PBX1: variants seen among roughly 807,000 people sequenced by gnomAD.
PBX1 encodes the protein PBX homeobox 1.
Under a neutral mutation model 53.4 loss-of-function variants are expected in PBX1, and 6 were observed. The ratio of observed to expected loss-of-function variants is 0.11; its 90% CI spans 0.06 to 0.22. The LOEUF is 0.22. PBX1 is among the 10% of genes least tolerant of loss of function. The pLI is 1.00. For missense variants in PBX1, 251 were observed against 551.4 expected, an observed-to-expected ratio of 0.46 and a Z score of 5.46; for synonymous variants, 204 against 212.3, an observed-to-expected ratio of 0.96 and a Z score of 0.34.
At chr1:164,803,868 A>G (rs1669206374) in intron 4 of PBX1, among the ~76,000 whole-genome samples, 1 of 152,202 alleles carries the variant, frequency 6.6e-6, no homozygotes, top group African/African-American at 2.4e-5. Flanking sequence ...GACGCTGGAT[A>G]AGTGGCTTAT....
intron 2 of PBX1, among the ~76,000 whole-genome samples, chr1:164,772,629 C>T (rs1426416073): frequency 6.6e-6 from 1 of 152,152 alleles, no homozygotes; most frequent in African/African-American, 2.4e-5. Flanking sequence ...CTAGGACAGC[C>T]CACTCCCCTG....
At chr1:164,864,435 T>TC (rs1294726271) in intron 2 of PBX1, among the ~76,000 whole-genome samples, 2 of 152,212 alleles carry the variant, frequency 1.3e-5, no homozygotes, top group Non-Finnish European at 2.9e-5. Flanking sequence ...ACTGTGGCGC[T>TC]CCAGGCTGCT....
intron 2 of PBX1, among the ~76,000 whole-genome samples, chr1:164,688,075 G>A (rs187951937): frequency 1.3e-5 from 2 of 152,198 alleles, no homozygotes; most frequent in African/African-American, 2.4e-5. Flanking sequence ...ACCTTTGCCC[G>A]GGGGACACCT....
chr1:164,764,681 A>G (rs970954539), intron 2 of PBX1, among the ~76,000 whole-genome samples: 4 of 152,032 alleles, frequency 2.6e-5, no homozygotes, highest in Non-Finnish European at 5.9e-5. Context: ...TTTTATTGGA[A>G]TTTGTCTAGT....
intron 2 of PBX1, among the ~76,000 whole-genome samples, chr1:164,653,602 G>A (rs112055957): frequency 0.011 from 1,715 of 152,022 alleles, 40 homozygotes; most frequent in African/African-American, 0.039. Context: ...GTGAAACCCC[G>A]TCTACTAAAA....
chr1:164,841,961 C>T (rs1671319555), intron 8 of PBX1, among the ~76,000 whole-genome samples: 1 of 152,192 alleles, frequency 6.6e-6, no homozygotes, highest in African/African-American at 2.4e-5. Flanking sequence ...GTTTGTGGCA[C>T]CTCAGCGTAT....
chr1:164,717,049 AG>A (rs1664140242), intron 2 of PBX1, among the ~76,000 whole-genome samples: 1 of 152,196 alleles, frequency 6.6e-6, no homozygotes, highest in Non-Finnish European at 1.5e-5. Context: ...ATATTTGAGA[AG>A]AACCAAATAC....
At chr1:164,824,121 G>T (rs1670301224) in intron 8 of PBX1, among the ~76,000 whole-genome samples, 2 of 152,296 alleles carry the variant, frequency 1.3e-5, no homozygotes, top group South Asian at 4.1e-4. Flanking sequence ...GCTCTGGATT[G>T]TGTTTGATTC....
chr1:164,860,781 G>T (rs565615820), intron 2 of PBX1, among the ~76,000 whole-genome samples: 3 of 152,032 alleles, frequency 2.0e-5, no homozygotes, highest in African/African-American at 7.3e-5. Flanking sequence ...TAAATTACTA[G>T]AATTCAAGGA....
chr1:164,612,032 T>C (rs1656970303), intron 2 of PBX1, among the ~76,000 whole-genome samples: 1 of 152,124 alleles, frequency 6.6e-6, no homozygotes, highest in Admixed American at 6.5e-5. Flanking sequence ...AGGATCTCAA[T>C]GAGGAAATTT....
intron 2 of PBX1, among the ~76,000 whole-genome samples, chr1:164,577,300 TGAA>T (rs1288007369): frequency 6.6e-6 from 1 of 152,184 alleles, no homozygotes; most frequent in Non-Finnish European, 1.5e-5. Flanking sequence ...CTTTAACACT[TGAA>T]GAAGGTTTGG....
chr1:164,574,141 TG>T (rs1654061032), intron 2 of PBX1, among the ~76,000 whole-genome samples: 2 of 152,350 alleles, frequency 1.3e-5, no homozygotes, highest in African/African-American at 4.8e-5. Flanking sequence ...CTGTGTTTTT[TG>T]CTTCTTTCTT....
intron 4 of PBX1, among the ~76,000 whole-genome samples, chr1:164,806,278 T>A (rs76452442): frequency 2.0e-5 from 3 of 152,212 alleles, no homozygotes; most frequent in Admixed American, 2.0e-4. Flanking sequence ...ACTTTTTTTT[T>A]AAGGCAGAAA....
At position 164,783,473 on chromosome 1, in the gene PBX1, A is replaced by G. The variant is rs775751567; in HGVS notation, c.266-9021A>G. 2.2e-4 allele frequency among the ~76,000 whole-genome samples: 33 copies of G among 152,176 alleles called. No individual in the cohort carries two copies. The Middle Eastern group carries it at 0.017, about 78-fold the overall frequency. ...GGTTTCTTCTGTGTTGTTGATTCCT[A>G]ACGCGCAGAAAAACCAAACTCTTAA... On this transcript the variant is annotated intron_variant, in intron 2 of 8. Transcript: ENST00000420696.
Position 164,792,757 on chromosome 1 carries a change from G to GTGCCGAGCCCCAGGT in PBX1, c.510+19_510+20insTGCCGAGCCCCAGGT. 1 of 1,569,918 alleles carries GTGCCGAGCCCCAGGT rather than the reference G, an allele frequency of 6.4e-7. No homozygotes were observed. Among genetic ancestry groups the GTGCCGAGCCCCAGGT allele is most frequent in the Non-Finnish European group, 8.7e-7 (1 of 1,149,758 alleles). On this transcript the variant is annotated intron_variant, in intron 3 of 8. Transcript: ENST00000420696. ...CGAGCAGGTAACCAGAACCACCTGG[G>GTGCCGAGCCCCAGGT]GCTCGGCACCCAGGCCCTTTAGGAA...
At chr1:164,758,951 G>A (rs1666668357) in intron 2 of PBX1, among the ~76,000 whole-genome samples, 1 of 152,130 alleles carries the variant, frequency 6.6e-6, no homozygotes, top group Non-Finnish European at 1.5e-5. Context: ...AGCAAAGGCA[G>A]GAAAAACAAA....
downstream of PBX1, among the ~76,000 whole-genome samples, chr1:164,853,632 C>T (rs1378497073): frequency 6.6e-6 from 1 of 151,736 alleles, no homozygotes; most frequent in Admixed American, 6.6e-5. Flanking sequence ...CGACGTTCTC[C>T]AAATGTTGTT....
chr1:164,726,928 C>G (rs1463881781), intron 2 of PBX1, among the ~76,000 whole-genome samples: 1 of 152,046 alleles, frequency 6.6e-6, no homozygotes, highest in African/African-American at 2.4e-5. Flanking sequence ...TGTTTTTACC[C>G]CCAAGAGATT....
intron 2 of PBX1, chr1:164,774,595 G>A (rs952869182): frequency 2.6e-5 from 4 of 152,138 alleles, no homozygotes; most frequent in Non-Finnish European, 5.9e-5. Flanking sequence ...AAGTGAGGGC[G>A]GAGTTTGCCC....
Sources: allele counts gnomAD v4.1 joint callset (sites outside exome capture counted in the v4.1 genomes callset), GRCh38; gene constraint gnomAD v4.1.1; transcripts MANE v1.5; gene names NCBI Gene and HGNC (gene_info 2026-07-23, HGNC 2026-07-21).